Variants in PRKAA1 observed in about 807,000 individuals in gnomAD.
PRKAA1 encodes the protein 5'-AMP-activated protein kinase catalytic subunit alpha-1.
A neutral mutation model predicts 56.9 loss-of-function variants in PRKAA1; 23 were observed. That is an observed-to-expected ratio of 0.40 (90% CI 0.29 to 0.57). The LOEUF is 0.57. Ranked by LOEUF, PRKAA1 falls within the 20% of genes least tolerant of loss-of-function variation. The pLI is 0.39. For synonymous variants in PRKAA1, 226 were observed against 227.0 expected, an observed-to-expected ratio of 1.00 and a Z score of 0.04; for missense variants, 413 against 679.7, an observed-to-expected ratio of 0.61 and a Z score of 4.36.
At chr5:40,775,714 T>C (rs1007111870) in intron 2 of PRKAA1, among the ~76,000 whole-genome samples, 3 of 152,132 alleles carry the variant, frequency 2.0e-5, no homozygotes, top group Non-Finnish European at 4.4e-5. Flanking sequence ...TGGTGGAACA[T>C]GCTATGAAGA....
chr5:40,797,695 G>C (rs531661683), intron 1 of PRKAA1, among the ~76,000 whole-genome samples: 5 of 152,350 alleles, frequency 3.3e-5, no homozygotes, highest in African/African-American at 1.2e-4. Flanking sequence ...GGGCGCACAA[G>C]ATGCCGCCTC....
chr5:40,786,386 A>G (rs1355156380), intron 1 of PRKAA1, among the ~76,000 whole-genome samples: 1 of 152,020 alleles, frequency 6.6e-6, no homozygotes, highest in Non-Finnish European at 1.5e-5. Flanking sequence ...GCAAAGAATA[A>G]TTTTCTGTTG....
intron 6 of PRKAA1, among the ~76,000 whole-genome samples, chr5:40,766,638 GA>G (rs1743447890): frequency 6.6e-6 from 1 of 151,416 alleles, no homozygotes; most frequent in African/African-American, 2.4e-5. Context: ...ATTAAAAAAA[GA>G]AAAAAAATAC....
In PRKAA1 at chr5:40,798,367, A is replaced by T; in HGVS notation, c.-178T>A. 3.1e-6 allele frequency: 1 copy of T among 321,534 alleles called. No homozygotes were observed. The highest frequency in any genetic ancestry group is 5.3e-5 in the East Asian group (1 of 18,752). The allele number at this position is 321,534 out of a possible 1,614,324, so 19.9% of individuals were successfully genotyped here. A position where few individuals can be genotyped will look rare whatever the true frequency, so the allele number is the denominator to read the frequency against. On this transcript the variant is annotated 5_prime_UTR_variant, in exon 1 of 9. Coordinates refer to ENST00000397128, the MANE Select transcript of PRKAA1 (RefSeq NM_006251.6). ...CCTGGCGGGGCGGGCGGGGGCTGCC[A>T]GGAGAATCACCAGTACCCGCCTCCT...
At chr5:40,777,640 T>C in intron 1 of PRKAA1, 54 bp from the exon 2 acceptor site, 1 of 1,501,558 alleles carries the variant, frequency 6.7e-7, no homozygotes, top group Non-Finnish European at 9.1e-7. Context: ...ATAATATATT[T>C]ACACATATTC....
rs116280355 is a variant in PRKAA1, at chr5:40,779,702, C to T, written c.128-2116G>A. ...GATCAAAAACTGCAATGGGTCACTA[C>T]CGTTTGCACAAAAACTGCAATAGAG... On this transcript the variant is annotated intron_variant, in intron 1 of 8. Coordinates refer to ENST00000397128, the MANE Select transcript of PRKAA1 (RefSeq NM_006251.6). 4.2e-3 allele frequency among the ~76,000 whole-genome samples: 638 copies of T among 152,244 alleles called. 4 individuals carry two copies. The highest frequency in any genetic ancestry group is 0.015 in the African/African-American group (612 of 41,556).
At chr5:40,787,294 C>T (rs948666563) in intron 1 of PRKAA1, among the ~76,000 whole-genome samples, 2 of 151,746 alleles carry the variant, frequency 1.3e-5, no homozygotes, top group African/African-American at 4.8e-5. Flanking sequence ...GGAGAAACCC[C>T]GTCTCTACTA....
At chr5:40,776,824 A>T (rs1744025188) in intron 2 of PRKAA1, among the ~76,000 whole-genome samples, 1 of 152,094 alleles carries the variant, frequency 6.6e-6, no homozygotes, top group Non-Finnish European at 1.5e-5. Flanking sequence ...GGGCATTTGG[A>T]GGTCAAGAGT....
Position 40,777,583 on chromosome 5 carries a change from C to A in PRKAA1, c.131G>T (p.Gly44Val), listed in dbSNP as rs377206671. Residue 44 changes from glycine to valine, a missense_variant, in exon 2 of 9, where the codon GGC (glycine) becomes GTC (valine). This residue lies in a region of PRKAA1 where 61 missense variants were observed against 73.1 expected (regional missense o/e 0.83). Transcript: ENST00000397128. The stretch of plus-strand genomic sequence containing the variant: ...TTTATGCCCAGTCAATTCATGTTTG[C>A]CAACTGTAAAAGAAGTAATTTAATA... ...GVGTFGKVKVGKHELTGHKVA... is the reference protein window; with the variant it reads ...GVGTFGKVKVVKHELTGHKVA... 6.2e-7 allele frequency: 1 copy of A among 1,603,776 alleles called. No homozygotes were observed. The highest frequency in any genetic ancestry group is 8.5e-7 in the Non-Finnish European group (1 of 1,173,832).
rs1292756454 is a variant in PRKAA1, at chr5:40,767,651, C to T, written c.636G>A (p.Gly212=). The change falls in exon 6 of 9, where the codon GGG becomes GGA. Residue 212 remains glycine, a synonymous_variant. Transcript: ENST00000397128. ...AGPEVDIWSS[G]VILYALLCGT... is the part of the protein sequence containing the mutation. ...CACATAATAAAGCATAGAGAATAAC[C>T]CCACTGCTCCATATATCTACCTCTG... 1 of 1,613,216 alleles carries T rather than the reference C, an allele frequency of 6.2e-7. No homozygotes were observed. Among genetic ancestry groups the T allele is most frequent in the South Asian group, 1.1e-5 (1 of 91,056 alleles).
At chr5:40,783,613 A>G (rs2112069025) in intron 1 of PRKAA1, among the ~76,000 whole-genome samples, 1 of 152,110 alleles carries the variant, frequency 6.6e-6, no homozygotes, top group East Asian at 1.9e-4. Context: ...AAAAAAATTA[A>G]CCAGGCGTGT....
chr5:40,762,692 G>A lies in PRKAA1; in HGVS notation c.*86C>T. On this transcript the variant is annotated 3_prime_UTR_variant, in exon 9 of 9. Coordinates refer to ENST00000397128, the MANE Select transcript of PRKAA1 (RefSeq NM_006251.6). ...AACGCCAGCCCTCGGTTATAATTAT[G>A]TATAACTTGATTACAAATGGAAGCA... 6.5e-7 allele frequency: 1 copy of A among 1,527,288 alleles called. No homozygotes were observed. The highest frequency in any genetic ancestry group is 8.9e-7 in the Non-Finnish European group (1 of 1,121,684). 94.6% of individuals were successfully genotyped at this position (1,527,288 alleles called of 1,614,324 possible).
In PRKAA1 at chr5:40,771,882, G is replaced by T. The variant is rs200047399; in HGVS notation, c.364-19C>A. ...CATCCAGCTAAGAAAAGTTAGAGAG[G>T]CTTTTTAAAGGTGTGTCTTTCAAAG... On this transcript the variant is annotated intron_variant, in intron 3 of 8. Coordinates refer to ENST00000397128, the MANE Select transcript of PRKAA1 (RefSeq NM_006251.6). 1.2e-5 allele frequency: 19 copies of T among 1,605,298 alleles called. No homozygotes were observed. The highest frequency in any genetic ancestry group is 1.7e-4 in the Middle Eastern group (1 of 6,036).
At chr5:40,774,512 A>T (rs1309495261) in intron 3 of PRKAA1, among the ~76,000 whole-genome samples, 1 of 150,228 alleles carries the variant, frequency 6.7e-6, no homozygotes, top group Non-Finnish European at 1.5e-5. Context: ...AGAAAAATAT[A>T]TATCAATTGT....
chr5:40,787,721 A>G (rs1744555044), intron 1 of PRKAA1, among the ~76,000 whole-genome samples: 1 of 151,518 alleles, frequency 6.6e-6, no homozygotes, highest in South Asian at 2.1e-4. Flanking sequence ...GAAAAAATCC[A>G]AAGTGGACCA....
At chr5:40,769,819 A>AT (rs1428522892) in intron 4 of PRKAA1, among the ~76,000 whole-genome samples, 4 of 150,862 alleles carry the variant, frequency 2.7e-5, no homozygotes. Flanking sequence ...AAAATAATCT[A>AT]TAACAGATGA....
chr5:40,764,710 T>C, intron 7 of PRKAA1, 42 bp downstream of exon 7: 1 of 1,603,946 alleles, frequency 6.2e-7, no homozygotes, highest in Non-Finnish European at 8.5e-7. Flanking sequence ...GACTATGGGT[T>C]TGCCAAATAT....
chr5:40,782,070 C>T (rs1744287561), intron 1 of PRKAA1, among the ~76,000 whole-genome samples: 1 of 152,182 alleles, frequency 6.6e-6, no homozygotes, highest in African/African-American at 2.4e-5. Context: ...TTTCTCTTGA[C>T]AGCTGCTCAG....
At chr5:40,771,983 TATGAGATACTTTTGAC>T in intron 3 of PRKAA1, 120 bp from the exon 4 acceptor site, 1 of 1,224,074 alleles carries the variant, frequency 8.2e-7, no homozygotes, top group Non-Finnish European at 1.1e-6. Context: ...GAACTTCACT[TATGAGATACTTTTGAC>T]ATGAGGAGGA....
Sources: allele counts gnomAD v4.1 joint callset (sites outside exome capture counted in the v4.1 genomes callset), GRCh38; gene constraint gnomAD v4.1.1; regional missense constraint gnomAD v4.1.1; transcripts MANE v1.5; gene names NCBI Gene and HGNC (gene_info 2026-07-23, HGNC 2026-07-21).